The following NRDE2 variants were observed in gnomAD, a reference collection of about 807,000 sequenced individuals.
NRDE2 encodes the protein nuclear exosome regulator NRDE2.
NRDE2 carries 76 observed loss-of-function variants against 124.2 expected under a neutral mutation model. The observed-to-expected ratio is 0.61, with a 90% CI of 0.51 to 0.74. The LOEUF (loss-of-function observed/expected upper bound fraction) is 0.74, where lower values mean the gene tolerates loss of function less well. NRDE2 is among the 30% of genes least tolerant of loss of function. The pLI, the probability that NRDE2 is intolerant of heterozygous loss-of-function variation, is 0.00. For missense variants in NRDE2, 1,314 were observed against 1,417.3 expected (o/e 0.93, Z 1.17); for synonymous variants, 489 against 528.1 (o/e 0.93, Z 1.01).
intron 13 of NRDE2, 147 bp downstream of exon 13, chr14:90,278,915 G>A (rs1404679165): frequency 2.9e-6 from 2 of 682,268 alleles, no homozygotes; most frequent in African/African-American, 3.6e-5. Context: ...ACCAGGAAAA[G>A]GCTCTGGATG....
intron 7 of NRDE2, 49 bp downstream of exon 7, chr14:90,301,190 C>A (rs1446533652): frequency 6.3e-7 from 1 of 1,597,434 alleles, no homozygotes; most frequent in Non-Finnish European, 8.6e-7. Flanking sequence ...CCCTCTCCCT[C>A]CAGAGAAAGA....
rs3742673 is a variant in NRDE2 at position 90,269,363 on chromosome 14, A to G, written c.*8973T>C. 793,594 of 1,564,272 alleles carry G rather than the reference A, an allele frequency of 0.51. 203,598 individuals are homozygous for G. Among genetic ancestry groups the G allele is most frequent in the East Asian group, 0.7 (30,885 of 44,346 alleles). ...TTCCCCTTGAGCAGGCGATCAGTTG[A>G]GTCTTCATTCCTTCCCTTTTTTTTT... On this transcript the variant is annotated 3_prime_UTR_variant, in exon 14 of 14. Coordinates refer to ENST00000354366, the MANE Select transcript of NRDE2 (RefSeq NM_017970.4).
chr14:90,302,735 C>T lies in NRDE2; in HGVS notation c.1396G>A (p.Glu466Lys), dbSNP rs1884449953. ...ATCTCCTTACCAAACATGGCCTCTTCCGTGCCAGGCAACGCAGGGTGAGAT... is the reference window on the plus strand; with the variant it reads ...ATCTCCTTACCAAACATGGCCTCTTTCGTGCCAGGCAACGCAGGGTGAGAT... ...ILSHPALPGT[E>K]EAMFALFLQQ... Residue 466 changes from glutamate to lysine, a missense_variant, in exon 6 of 14, where the codon GAA (glutamate) becomes AAA (lysine). Transcript: ENST00000354366. 6.2e-7 allele frequency: 1 copy of T among 1,608,514 alleles called. No homozygotes were observed. Among genetic ancestry groups the T allele is most frequent in the Admixed American group, 1.7e-5 (1 of 59,450 alleles).
intron 7 of NRDE2, among the ~76,000 whole-genome samples, chr14:90,299,085 G>T (rs879941934): frequency 3.5e-4 from 53 of 151,832 alleles, no homozygotes; most frequent in Non-Finnish European, 6.3e-4. Flanking sequence ...CGCTCTTGTT[G>T]CCCAGGCTGG....
At chr14:90,325,289 C>T in intron 1 of NRDE2, among the ~76,000 whole-genome samples, 1 of 152,082 alleles carries the variant, frequency 6.6e-6, no homozygotes, top group East Asian at 1.9e-4. Flanking sequence ...ATCTTCCATT[C>T]CAAATCTGTC....
intron 1 of NRDE2, among the ~76,000 whole-genome samples, chr14:90,326,267 G>T (rs2139717876): frequency 6.6e-6 from 1 of 152,192 alleles, no homozygotes; most frequent in Admixed American, 6.5e-5. Flanking sequence ...GGCCGAGGCG[G>T]GTGGATCATG....
At chr14:90,313,135 T>TC (rs1165848552) in intron 3 of NRDE2, among the ~76,000 whole-genome samples, 7 of 147,918 alleles carry the variant, frequency 4.7e-5, no homozygotes, top group Admixed American at 4.0e-4. Context: ...TTTTTTTTTT[T>TC]TTTTTTTTTG....
intron 6 of NRDE2, 152 bp downstream of exon 6, chr14:90,302,568 C>G: frequency 4.6e-6 from 4 of 876,294 alleles, no homozygotes; most frequent in Non-Finnish European, 6.6e-6. Flanking sequence ...AATTTGTTAT[C>G]AAAAAGAGTC....
chr14:90,303,378 T>A (rs767624786), intron 5 of NRDE2, among the ~76,000 whole-genome samples: 11 of 152,240 alleles, frequency 7.2e-5, no homozygotes, highest in Non-Finnish European at 1.6e-4. Flanking sequence ...TAGCATACAA[T>A]GCCTTGAAAG....
intron 9 of NRDE2, 32 bp from the exon 10 acceptor site, chr14:90,290,639 T>C (rs746129083): frequency 3.8e-6 from 6 of 1,569,724 alleles, no homozygotes; most frequent in Non-Finnish European, 5.2e-6. Context: ...GCGACCCATG[T>C]AACAAAACAA....
In NRDE2 at chr14:90,275,769, C is replaced by G. The variant is rs554599618; in HGVS notation, c.*2567G>C. ...GGACAGGGAGAACCCCGTCTGCCTG[C>G]GGAAAACCCACTGGCTCTTTGGAGC... On this transcript the variant is annotated 3_prime_UTR_variant, in exon 14 of 14. Transcript: ENST00000354366. 6.6e-6 allele frequency: 1 copy of G among 152,262 alleles called. No individual in the cohort carries two copies. The highest frequency in any genetic ancestry group is 1.9e-4 in the East Asian group (1 of 5,194). 9.4% of individuals were successfully genotyped at this position (152,262 alleles called of 1,614,324 possible).
rs986317567 is a variant in NRDE2 at position 90,291,780 on chromosome 14, T to G, written c.1842+917A>C. Among the ~76,000 whole-genome samples, 7 of 152,226 alleles carry G rather than the reference T, an allele frequency of 4.6e-5. 1 individual carries two copies. Among genetic ancestry groups the G allele is most frequent in the Admixed American group, 3.3e-4 (5 of 15,280 alleles). Reference sequence around the variant, plus strand: ...CACTCCTCAAACGCTCCTGGCACTCTGGGGCCTTCACTTGTGCTGATCCCT... The same window carrying G: ...CACTCCTCAAACGCTCCTGGCACTCGGGGGCCTTCACTTGTGCTGATCCCT... On this transcript the variant is annotated intron_variant, in intron 9 of 13. Transcript: ENST00000354366.
Position 90,268,172 on chromosome 14 carries a change from A to T in NRDE2, c.*10164T>A. ...TGGTAATGATACGAGTTTTTAAGTTAAAATGGCACTTAAGGTGTCTTTTTT... is the reference window on the plus strand; with the variant it reads ...TGGTAATGATACGAGTTTTTAAGTTTAAATGGCACTTAAGGTGTCTTTTTT... On this transcript the variant is annotated 3_prime_UTR_variant, in exon 14 of 14. Coordinates refer to ENST00000354366, the MANE Select transcript of NRDE2 (RefSeq NM_017970.4). 6.9e-7 allele frequency: 1 copy of T among 1,441,180 alleles called. No homozygotes were observed. Among genetic ancestry groups the T allele is most frequent in the Non-Finnish European group, 9.2e-7 (1 of 1,084,470 alleles). The allele number at this position is 1,441,180 out of a possible 1,614,324, so 89.3% of individuals were successfully genotyped here. A position where few individuals can be genotyped will look rare whatever the true frequency, so the allele number is the denominator to read the frequency against.
At chr14:90,304,489 T>C (rs1031796996) in intron 4 of NRDE2, 107 bp from the exon 5 acceptor site, 2 of 735,374 alleles carry the variant, frequency 2.7e-6, no homozygotes, top group Non-Finnish European at 4.3e-6. Context: ...TCACTGCATA[T>C]AACCAAATTC....
intron 8 of NRDE2, among the ~76,000 whole-genome samples, chr14:90,295,169 T>TG (rs1884097149): frequency 6.6e-6 from 1 of 152,222 alleles, no homozygotes; most frequent in Non-Finnish European, 1.5e-5. Flanking sequence ...GACATTATAC[T>TG]GTGGTACTAC....
intron 1 of NRDE2, among the ~76,000 whole-genome samples, chr14:90,330,935 T>C (rs1169319163): frequency 6.6e-6 from 1 of 151,962 alleles, no homozygotes; most frequent in Non-Finnish European, 1.5e-5. Flanking sequence ...TTACTTTTTT[T>C]TCTTTTTTTT....
intron 6 of NRDE2, 124 bp downstream of exon 6, chr14:90,302,596 A>AAATC: frequency 8.9e-7 from 1 of 1,122,120 alleles, no homozygotes; most frequent in Non-Finnish European, 1.2e-6. Context: ...TTTTTTAAAA[A>AAATC]AATCAGTTCT....
At chr14:90,319,910 C>T (rs1460316894) in intron 1 of NRDE2, among the ~76,000 whole-genome samples, 2 of 152,158 alleles carry the variant, frequency 1.3e-5, no homozygotes, top group African/African-American at 4.8e-5. Flanking sequence ...AGATTGTTTT[C>T]CAAAGTAGCT....
chr14:90,295,436 G>A (rs546806732), intron 8 of NRDE2, among the ~76,000 whole-genome samples: 1 of 152,184 alleles, frequency 6.6e-6, no homozygotes, highest in South Asian at 2.1e-4. Context: ...GAAGAAAACT[G>A]AATGTATTTA....
Sources: allele counts gnomAD v4.1 joint callset (sites outside exome capture counted in the v4.1 genomes callset), GRCh38; gene constraint gnomAD v4.1.1; transcripts MANE v1.5; gene names NCBI Gene and HGNC (gene_info 2026-07-23, HGNC 2026-07-21).